Variants in RBPMS observed in about 807,000 individuals in gnomAD.
RBPMS encodes RNA binding protein, mRNA processing factor.
A neutral mutation model predicts 26.8 loss-of-function variants in RBPMS; 7 were observed. The observed-to-expected ratio is 0.26, with a 90% CI of 0.15 to 0.49. RBPMS has a LOEUF of 0.49. RBPMS is among the 20% of genes least tolerant of loss of function. The probability of loss-of-function intolerance (pLI) is 0.98; values close to 1 mark genes in which losing one functional copy is unlikely to be tolerated. For missense variants in RBPMS, 186 were observed against 250.0 expected (o/e 0.74, Z 1.73); for synonymous variants, 96 against 93.3 (o/e 1.03, Z -0.17).
chr8:30,522,596 T>C (rs146337418), intron 5 of RBPMS, among the ~76,000 whole-genome samples: 35 of 152,348 alleles, frequency 2.3e-4, no homozygotes, highest in Non-Finnish European at 4.6e-4. Context: ...TCAATTTTTA[T>C]ATAATTTTTA....
chr8:30,451,015 A>G (rs1193843895), intron 1 of RBPMS, among the ~76,000 whole-genome samples: 2 of 152,126 alleles, frequency 1.3e-5, no homozygotes, highest in Non-Finnish European at 2.9e-5. Flanking sequence ...TTGAAAAAAT[A>G]GACTCCTTGA....
At chr8:30,386,747 A>G (rs2150528225) in intron 1 of RBPMS, among the ~76,000 whole-genome samples, 1 of 152,332 alleles carries the variant, frequency 6.6e-6, no homozygotes, top group African/African-American at 2.4e-5. Flanking sequence ...TATCAAGATA[A>G]TCATCGCTTC....
intron 4 of RBPMS, among the ~76,000 whole-genome samples, chr8:30,495,841 A>G (rs1310896638): frequency 6.6e-6 from 1 of 152,244 alleles, no homozygotes; most frequent in East Asian, 1.9e-4. Flanking sequence ...ACTGAACAAC[A>G]GCCTCAGTTA....
chr8:30,513,131 A>G (rs963003360), intron 5 of RBPMS, among the ~76,000 whole-genome samples: 9 of 151,960 alleles, frequency 5.9e-5, no homozygotes, highest in African/African-American at 1.7e-4. Flanking sequence ...TTGTGGGGAG[A>G]AAGTAATGCA....
At chr8:30,390,243 C>T (rs1397297004) in intron 1 of RBPMS, among the ~76,000 whole-genome samples, 1 of 152,126 alleles carries the variant, frequency 6.6e-6, no homozygotes. Flanking sequence ...TTCACAAAAC[C>T]GAGGTTGGTC....
intron 4 of RBPMS, among the ~76,000 whole-genome samples, chr8:30,494,188 A>C (rs1819688796): frequency 6.6e-6 from 1 of 152,228 alleles, no homozygotes; most frequent in Non-Finnish European, 1.5e-5. Flanking sequence ...AAACACAGGA[A>C]ATAAAGGAAA....
intron 4 of RBPMS, among the ~76,000 whole-genome samples, chr8:30,496,060 C>G (rs747861013): frequency 6.6e-5 from 10 of 152,130 alleles, no homozygotes; most frequent in Non-Finnish European, 1.5e-5. Context: ...GAATTCTTAA[C>G]ATTGTGTGGG....
At chr8:30,547,639 G>C (rs1825978398) in intron 6 of RBPMS, 1 of 574,416 alleles carries the variant, frequency 1.7e-6, no homozygotes, top group South Asian at 3.0e-5. Context: ...TTACATAGAA[G>C]GACTCAGAAC....
At chr8:30,542,462 T>C (rs1307773556) in intron 5 of RBPMS, among the ~76,000 whole-genome samples, 2 of 152,196 alleles carry the variant, frequency 1.3e-5, no homozygotes, top group Non-Finnish European at 2.9e-5. Context: ...TAACCACCTC[T>C]ACCCACCCCA....
chr8:30,446,809 G>GTC (rs1813848144), intron 1 of RBPMS: 1 of 90,512 alleles, frequency 1.1e-5, no homozygotes, highest in Admixed American at 1.3e-4. Flanking sequence ...GTGTGTGTGT[G>GTC]TGTGTGTGTG....
chr8:30,464,255 C>T (rs1397405037), intron 1 of RBPMS, among the ~76,000 whole-genome samples: 1 of 152,188 alleles, frequency 6.6e-6, no homozygotes, highest in African/African-American at 2.4e-5. Context: ...TACATTCACT[C>T]ATTTAGTTGA....
intron 1 of RBPMS, among the ~76,000 whole-genome samples, chr8:30,424,340 T>C (rs552749999): frequency 6.6e-6 from 1 of 152,304 alleles, no homozygotes; most frequent in Admixed American, 6.5e-5. Flanking sequence ...TAGCGATAAT[T>C]ATAGATCATG....
chr8:30,467,795 A>C (rs188649495), intron 1 of RBPMS, among the ~76,000 whole-genome samples: 4 of 152,218 alleles, frequency 2.6e-5, no homozygotes, highest in African/African-American at 9.6e-5. Flanking sequence ...GACAGTGGAC[A>C]TGCTGAGTTT....
At chr8:30,549,781 TCTCTCTCTCTCTCTCCCCTCTCTC>T (rs1338635886) in intron 6 of RBPMS, among the ~76,000 whole-genome samples, 1 of 100,538 alleles carries the variant, frequency 9.9e-6, no homozygotes, top group Non-Finnish European at 2.0e-5. Flanking sequence ...CTTCTCTCTC[TCTCTCTCTCTCTCTCCCCTCTCTC>T]CTCTCTCTCT....
chr8:30,556,625 A>C (rs1826945923), intron 6 of RBPMS: 1 of 986,008 alleles, frequency 1.0e-6, no homozygotes, highest in African/African-American at 1.7e-5. Context: ...GACCCAGTGC[A>C]CACAGACCCA....
chr8:30,496,671 A>G (rs914009862), intron 4 of RBPMS, among the ~76,000 whole-genome samples: 2 of 152,210 alleles, frequency 1.3e-5, no homozygotes, highest in Non-Finnish European at 2.9e-5. Context: ...ATCTTTACTC[A>G]TAGTTTTCTA....
At chr8:30,445,773 G>A (rs1813691816) in intron 1 of RBPMS, among the ~76,000 whole-genome samples, 1 of 151,466 alleles carries the variant, frequency 6.6e-6, no homozygotes, top group Admixed American at 6.6e-5. Context: ...GCTCCAGCGA[G>A]CCTATATCAC....
intron 7 of RBPMS, among the ~76,000 whole-genome samples, chr8:30,559,742 T>C (rs1359651965): frequency 6.6e-6 from 1 of 152,176 alleles, no homozygotes; most frequent in Non-Finnish European, 1.5e-5. Flanking sequence ...AGTTCCTTCA[T>C]GAAATAGGAA....
At chr8:30,393,058 A>G (rs1272521130) in intron 1 of RBPMS, among the ~76,000 whole-genome samples, 1 of 152,168 alleles carries the variant, frequency 6.6e-6, no homozygotes, top group African/African-American at 2.4e-5. Context: ...GTCATGTTAA[A>G]AAGTGTTTGG....
Sources: allele counts gnomAD v4.1 joint callset (sites outside exome capture counted in the v4.1 genomes callset), GRCh38; gene constraint gnomAD v4.1.1; transcripts MANE v1.5; gene names NCBI Gene and HGNC (gene_info 2026-07-23, HGNC 2026-07-21).